The following SRPK2 variants were observed in gnomAD, a reference collection of about 807,000 sequenced individuals.
The protein encoded by SRPK2 is SRSF protein kinase 2.
A neutral mutation model predicts 90.8 loss-of-function variants in SRPK2; 21 were observed. That is an observed-to-expected ratio of 0.23 (90% CI 0.16 to 0.33). The LOEUF is 0.33. Among genes scored for constraint, SRPK2 ranks in the 10% least tolerant of loss-of-function variants. SRPK2 has a pLI of 1.00. For synonymous variants in SRPK2, 288 were observed against 311.1 expected (o/e 0.93, Z 0.78); for missense variants, 620 against 869.0 (o/e 0.71, Z 3.60).
chr7:105,328,312 A>G (rs990327598), intron 2 of SRPK2, among the ~76,000 whole-genome samples: 11 of 152,246 alleles, frequency 7.2e-5, no homozygotes, highest in African/African-American at 2.6e-4. Flanking sequence ...CTGTAATCTC[A>G]GCATTTTGGG....
intron 3 of SRPK2, among the ~76,000 whole-genome samples, chr7:105,198,603 AG>A (rs1362619816): frequency 6.6e-6 from 1 of 152,220 alleles, no homozygotes; most frequent in Non-Finnish European, 1.5e-5. Flanking sequence ...CAGGGAGTTA[AG>A]GGAGCCAGCA....
intron 2 of SRPK2, among the ~76,000 whole-genome samples, chr7:105,369,544 A>G (rs1819474913): frequency 6.6e-6 from 1 of 152,072 alleles, no homozygotes; most frequent in African/African-American, 2.4e-5. Context: ...CACTCCACAC[A>G]TTTTCAGACC....
intron 2 of SRPK2, among the ~76,000 whole-genome samples, chr7:105,295,283 A>T (rs6979284): frequency 0.43 from 65,603 of 151,134 alleles, 15,579 homozygotes; most frequent in South Asian, 0.53. Flanking sequence ...TATTTATATA[A>T]CGTTTTAATA....
At chr7:105,309,098 T>C (rs769262586) in intron 2 of SRPK2, among the ~76,000 whole-genome samples, 21 of 152,214 alleles carry the variant, frequency 1.4e-4, no homozygotes, top group Non-Finnish European at 2.9e-4. Flanking sequence ...ACACAAACTT[T>C]GCATACACTC....
At chr7:105,163,611 A>G (rs567249728) in intron 6 of SRPK2, among the ~76,000 whole-genome samples, 7 of 152,230 alleles carry the variant, frequency 4.6e-5, no homozygotes, top group Admixed American at 2.0e-4. Context: ...CCTGACCCAC[A>G]TGGAGAAATC....
chr7:105,341,600 A>G (rs1022376339), intron 2 of SRPK2, among the ~76,000 whole-genome samples: 4 of 152,126 alleles, frequency 2.6e-5, no homozygotes, highest in Non-Finnish European at 5.9e-5. Flanking sequence ...TAAGCTCAGG[A>G]GGCAGAGGTT....
At chr7:105,269,371 T>C (rs1429418211) in intron 2 of SRPK2, among the ~76,000 whole-genome samples, 4 of 152,200 alleles carry the variant, frequency 2.6e-5, no homozygotes, top group African/African-American at 9.6e-5. Context: ...AGAACCCCGA[T>C]GTATAGATTT....
chr7:105,134,570 G>A (rs1188746195), intron 11 of SRPK2, among the ~76,000 whole-genome samples: 28 of 152,230 alleles, frequency 1.8e-4, no homozygotes, highest in Admixed American at 1.8e-3. Context: ...TTTCCTTGAA[G>A]CTGGGCACTG....
Position 105,117,315 on chromosome 7 carries a change from TC to T in SRPK2, c.*522del, listed in dbSNP as rs1799724901. 1 of 153,228 alleles carries T rather than the reference TC, an allele frequency of 6.5e-6. No individual in the cohort carries two copies. 9.5% of individuals were successfully genotyped at this position (153,228 alleles called of 1,614,324 possible). Reference sequence around the variant, plus strand: ...CTTGGTAGCTTTTCTGAAATTTGAGTCCCCCTCCCATATTTAATGGAAAGTA... The same window carrying T: ...CTTGGTAGCTTTTCTGAAATTTGAGTCCCCTCCCATATTTAATGGAAAGTA... On this transcript the variant is annotated 3_prime_UTR_variant, in exon 16 of 16. Coordinates refer to ENST00000393651, the MANE Select transcript of SRPK2 (RefSeq NM_182692.3).
chr7:105,350,868 C>T (rs1817092606), intron 2 of SRPK2, among the ~76,000 whole-genome samples: 3 of 152,156 alleles, frequency 2.0e-5, no homozygotes, highest in South Asian at 2.1e-4. Context: ...GGCTATTAAG[C>T]CATTACACAG....
intron 2 of SRPK2, among the ~76,000 whole-genome samples, chr7:105,383,052 A>ATTTTTTTTTTTTTTTTTTTTTTTTTTT (rs1563315577): frequency 9.5e-6 from 1 of 105,276 alleles, no homozygotes. Flanking sequence ...CAAAAGTAAA[A>ATTTTTTTTTTTTTTTTTTTTTTTTTTT]ATTTTTTTTT....
intron 2 of SRPK2, among the ~76,000 whole-genome samples, chr7:105,221,376 T>C (rs1357351634): frequency 1.3e-5 from 2 of 152,240 alleles, no homozygotes; most frequent in Non-Finnish European, 2.9e-5. Context: ...GAGCGAGTGA[T>C]ACCCACTTTT....
chr7:105,301,856 G>C (rs983548033), intron 2 of SRPK2: 6 of 1,574,262 alleles, frequency 3.8e-6, no homozygotes, highest in Admixed American at 3.3e-5. Flanking sequence ...GCAGTTCATG[G>C]AGAATCACAA....
At chr7:105,280,491 A>T (rs1313242782) in intron 2 of SRPK2, among the ~76,000 whole-genome samples, 1 of 151,960 alleles carries the variant, frequency 6.6e-6, no homozygotes, top group Non-Finnish European at 1.5e-5. Flanking sequence ...TTTTGCATAC[A>T]AACAACTGTG....
intron 3 of SRPK2, among the ~76,000 whole-genome samples, chr7:105,196,978 A>G (rs1217997564): frequency 6.6e-6 from 1 of 152,052 alleles, no homozygotes; most frequent in Non-Finnish European, 1.5e-5. Flanking sequence ...TGTACCCGGG[A>G]GGTAGAGGCA....
Position 105,168,719 on chromosome 7 carries a change from TACAC to T in SRPK2, c.338+434_338+437del, listed in dbSNP as rs141696554. Among the ~76,000 whole-genome samples, 497 of 120,360 alleles carry T rather than the reference TACAC, an allele frequency of 4.1e-3. 15 individuals are homozygous for T. The East Asian group carries it at 0.07, about 17-fold the overall frequency. The allele number at this position is 120,360 out of a possible 152,430, so 79.0% of individuals were successfully genotyped here. A position where few individuals can be genotyped will look rare whatever the true frequency, so the allele number is the denominator to read the frequency against. ...TTCTCTTTTAACACTTTTGTTTCAGTACACACACACACACACACGCACCAAATGT... is the reference window on the plus strand; with the variant it reads ...TTCTCTTTTAACACTTTTGTTTCAGTACACACACACACACGCACCAAATGT... On this transcript the variant is annotated intron_variant, in intron 4 of 15. Transcript: ENST00000393651.
chr7:105,347,724 G>A (rs1275588437), intron 2 of SRPK2, among the ~76,000 whole-genome samples: 2 of 151,864 alleles, frequency 1.3e-5, no homozygotes, highest in Non-Finnish European at 2.9e-5. Flanking sequence ...AGGCATGGTG[G>A]CACAAACTTG....
rs756321925 is a variant in SRPK2, at chr7:105,385,198, T to TTTTG, written c.71+3449_71+3450insCAAA. Among the ~76,000 whole-genome samples, 26 of 79,550 alleles carry TTTTG rather than the reference T, an allele frequency of 3.3e-4. 4 individuals carry two copies. Among genetic ancestry groups the TTTTG allele is most frequent in the African/African-American group, 8.2e-4 (20 of 24,402 alleles). The allele number at this position is 79,550 out of a possible 152,430, so 52.2% of individuals were successfully genotyped here. A position where few individuals can be genotyped will look rare whatever the true frequency, so the allele number is the denominator to read the frequency against. On this transcript the variant is annotated intron_variant, in intron 2 of 15. Transcript: ENST00000393651. ...TTTTTTTTTTTTTTTTTTTTTTTTT[T>TTTTG]GAGATGGAGTCTCGCTCTGTCGCCC...
At chr7:105,348,075 T>TC (rs1816686675) in intron 2 of SRPK2, among the ~76,000 whole-genome samples, 1 of 139,186 alleles carries the variant, frequency 7.2e-6, no homozygotes, top group African/African-American at 2.7e-5. Flanking sequence ...AAACTTTTTT[T>TC]TTTTTTTTTT....
Sources: allele counts gnomAD v4.1 joint callset (sites outside exome capture counted in the v4.1 genomes callset), GRCh38; gene constraint gnomAD v4.1.1; transcripts MANE v1.5; gene names NCBI Gene and HGNC (gene_info 2026-07-23, HGNC 2026-07-21).